RBFOX1: variants seen among roughly 807,000 people sequenced by gnomAD.
RBFOX1 encodes the protein RNA binding protein fox-1 homolog 1.
A neutral mutation model predicts 57.7 loss-of-function variants in RBFOX1; 8 were observed. That is an observed-to-expected ratio of 0.14 (90% CI 0.08 to 0.25). The LOEUF is 0.25. RBFOX1 is among the 10% of genes least tolerant of loss of function. The pLI is 1.00. For missense variants in RBFOX1, 611 were observed against 548.5 expected (o/e 1.11, Z -1.14); for synonymous variants, 326 against 222.4 (o/e 1.47, Z -4.15).
chr16:7,539,629 T>C (rs1601315661), intron 5 of RBFOX1, among the ~76,000 whole-genome samples: 1 of 152,290 alleles, frequency 6.6e-6, no homozygotes, highest in Non-Finnish European at 1.5e-5. Flanking sequence ...CACCAGGCAT[T>C]GGTGATCCAG....
At chr16:5,639,173 C>T (rs2048779559) in intron 3 of RBFOX1, among the ~76,000 whole-genome samples, 1 of 152,190 alleles carries the variant, frequency 6.6e-6, no homozygotes, top group African/African-American at 2.4e-5. Context: ...CTTGAACTTG[C>T]TTTTGGCTTC....
Position 7,115,108 on chromosome 16 carries a change from A to G in RBFOX1, c.27+63010A>G, listed in dbSNP as rs138291140. 1.8e-3 allele frequency among the ~76,000 whole-genome samples: 277 copies of G among 152,316 alleles called. 2 individuals carry two copies. The highest frequency in any genetic ancestry group is 6.5e-3 in the African/African-American group (272 of 41,572). ...TTGCTTAAAAATAATGTATTATATAATATCCTTCGATTAAGTTTCCAACGT... is the reference window on the plus strand; with the variant it reads ...TTGCTTAAAAATAATGTATTATATAGTATCCTTCGATTAAGTTTCCAACGT... On this transcript the variant is annotated intron_variant, in intron 4 of 15. Transcript: ENST00000550418.
intron 2 of RBFOX1, among the ~76,000 whole-genome samples, chr16:6,586,132 C>G (rs1285098756): frequency 6.6e-6 from 1 of 152,166 alleles, no homozygotes; most frequent in East Asian, 1.9e-4. Flanking sequence ...TTGTTATGAT[C>G]AATTCAGACG....
At chr16:5,908,157 C>CATATATATATACACAT (rs201200860) in intron 4 of RBFOX1, among the ~76,000 whole-genome samples, 2 of 123,142 alleles carry the variant, frequency 1.6e-5, no homozygotes, top group African/African-American at 6.0e-5. Flanking sequence ...CATATATACA[C>CATATATATATACACAT]ATATATATAC....
chr16:7,242,411 T>C (rs1483195066), intron 4 of RBFOX1, among the ~76,000 whole-genome samples: 2 of 152,186 alleles, frequency 1.3e-5, no homozygotes, highest in Admixed American at 6.5e-5. Flanking sequence ...ACTAGATCTC[T>C]CTGAGCTTTA....
At position 6,655,977 on chromosome 16, in the gene RBFOX1, T is replaced by C. The variant is rs73529835; in HGVS notation, c.-16+1327T>C. 1.4e-3 allele frequency among the ~76,000 whole-genome samples: 206 copies of C among 152,336 alleles called. 1 individual carries two copies. The highest frequency in any genetic ancestry group is 4.8e-3 in the African/African-American group (198 of 41,594). On this transcript the variant is annotated intron_variant, in intron 3 of 15. Transcript: ENST00000550418. ...AATCTCCTCACATTGGGAAGAATAA[T>C]GATACAGTAAGTTCAATTCAATCTG...
chr16:6,275,918 T>G (rs1335093203), intron 1 of RBFOX1, among the ~76,000 whole-genome samples: 1 of 152,178 alleles, frequency 6.6e-6, no homozygotes, highest in East Asian at 1.9e-4. Flanking sequence ...CCCTCCCCAG[T>G]TGATACGTGA....
chr16:6,992,484 G>A (rs951757464), intron 3 of RBFOX1, among the ~76,000 whole-genome samples: 28 of 152,092 alleles, frequency 1.8e-4, no homozygotes, highest in Non-Finnish European at 2.9e-5. Context: ...AAAGTGCTGG[G>A]ATTACAGGCG....
At chr16:5,815,156 A>AT (rs71142650) in intron 3 of RBFOX1, among the ~76,000 whole-genome samples, 51,545 of 114,050 alleles carry the variant, frequency 0.45, 12,882 homozygotes, top group East Asian at 0.7. Flanking sequence ...ATTTAATTTA[A>AT]TTTTTTTTTT....
At chr16:5,865,846 T>C (rs2057332666) in intron 3 of RBFOX1, among the ~76,000 whole-genome samples, 2 of 152,010 alleles carry the variant, frequency 1.3e-5, no homozygotes, top group South Asian at 2.1e-4. Flanking sequence ...GCTCATTGGG[T>C]TGTAGGTGGC....
intron 3 of RBFOX1, among the ~76,000 whole-genome samples, chr16:6,750,019 T>G (rs1451382232): frequency 6.6e-6 from 1 of 152,118 alleles, no homozygotes; most frequent in Non-Finnish European, 1.5e-5. Context: ...AGTCTTGGGT[T>G]GGAAAGTCAT....
intron 1 of RBFOX1, among the ~76,000 whole-genome samples, chr16:5,314,018 G>A (rs955171511): frequency 1.3e-5 from 2 of 152,142 alleles, no homozygotes; most frequent in African/African-American, 2.4e-5. Context: ...AGAACAACAC[G>A]TAATAATAGT....
chr16:6,007,205 A>G (rs754303270), intron 4 of RBFOX1, among the ~76,000 whole-genome samples: 1 of 152,178 alleles, frequency 6.6e-6, no homozygotes, highest in East Asian at 1.9e-4. Flanking sequence ...TTCACTTCCC[A>G]TAAGTGGAAT....
At chr16:7,466,960 C>T (rs77295003) in intron 4 of RBFOX1, among the ~76,000 whole-genome samples, 3,748 of 152,296 alleles carry the variant, frequency 0.025, 61 homozygotes, top group East Asian at 0.058. Context: ...ATTTACAGAG[C>T]ACCCACTCTG....
At chr16:7,339,302 T>C (rs1032670129) in intron 4 of RBFOX1, among the ~76,000 whole-genome samples, 10 of 152,122 alleles carry the variant, frequency 6.6e-5, no homozygotes, top group Non-Finnish European at 1.3e-4. Flanking sequence ...GAACTAGGAC[T>C]AGGTGATGTG....
chr16:6,768,783 C>A (rs929798196), intron 3 of RBFOX1, among the ~76,000 whole-genome samples: 1 of 148,340 alleles, frequency 6.7e-6, no homozygotes, highest in Non-Finnish European at 1.5e-5. Flanking sequence ...GGTTGGAGTG[C>A]AATGGGGCGA....
intron 1 of RBFOX1, among the ~76,000 whole-genome samples, chr16:6,104,266 A>G (rs144571689): frequency 1.1e-4 from 17 of 152,346 alleles, no homozygotes; most frequent in African/African-American, 4.1e-4. Context: ...CATTTAAAAT[A>G]CGCTTCTTAA....
chr16:6,626,904 G>A (rs2098316205), intron 2 of RBFOX1, among the ~76,000 whole-genome samples: 1 of 152,138 alleles, frequency 6.6e-6, no homozygotes, highest in Non-Finnish European at 1.5e-5. Flanking sequence ...AAATTGGAAG[G>A]ACCTTATACA....
chr16:7,055,824 G>T (rs1258347613), intron 4 of RBFOX1, among the ~76,000 whole-genome samples: 4 of 152,012 alleles, frequency 2.6e-5, no homozygotes, highest in Non-Finnish European at 5.9e-5. Flanking sequence ...AATTCACAGG[G>T]GTCCACTCTG....
Sources: gnomAD v4.1 joint callset for allele counts (sites outside exome capture counted in the v4.1 genomes callset) on GRCh38, gnomAD v4.1.1 for gene constraint, MANE v1.5 for transcripts, NCBI Gene and HGNC (gene_info 2026-07-23, HGNC 2026-07-21) for gene names.